NELL1: variants seen among roughly 807,000 people sequenced by gnomAD.
NELL1 encodes protein kinase C-binding protein NELL1.
A neutral mutation model predicts 107.4 loss-of-function variants in NELL1; 76 were observed. The observed-to-expected ratio is 0.71, with a 90% CI of 0.59 to 0.86. The LOEUF (loss-of-function observed/expected upper bound fraction) is 0.86, where lower values mean the gene tolerates loss of function less well. NELL1 is among the 40% of genes least tolerant of loss of function. NELL1 has a pLI of 0.00. For synonymous variants in NELL1, 353 were observed against 341.2 expected, an observed-to-expected ratio of 1.03 and a Z score of -0.38; for missense variants, 1,024 against 1,005.5, an observed-to-expected ratio of 1.02 and a Z score of -0.25.
intron 12 of NELL1, among the ~76,000 whole-genome samples, chr11:20,963,975 C>G (rs561836463): frequency 1.4e-4 from 21 of 152,160 alleles, no homozygotes; most frequent in African/African-American, 5.1e-4. Context: ...TAGAGATTGT[C>G]GTAGAAACTG....
At chr11:21,220,408 T>C (rs537083560) in intron 13 of NELL1, among the ~76,000 whole-genome samples, 78 of 152,310 alleles carry the variant, frequency 5.1e-4, no homozygotes, top group Middle Eastern at 3.4e-3. Context: ...TTCATTGATA[T>C]TGATATCAAC....
intron 13 of NELL1, among the ~76,000 whole-genome samples, chr11:21,166,750 A>G (rs2133806987): frequency 6.6e-6 from 1 of 152,112 alleles, no homozygotes; most frequent in South Asian, 2.1e-4. Flanking sequence ...AATGAAAGGA[A>G]AAAAGAGCAT....
At chr11:21,364,016 T>C (rs1261015375) in intron 14 of NELL1, among the ~76,000 whole-genome samples, 2 of 152,190 alleles carry the variant, frequency 1.3e-5, no homozygotes, top group East Asian at 3.9e-4. Flanking sequence ...TTGTCTCTGT[T>C]ATACCTACAT....
chr11:21,277,989 G>A (rs980327734), intron 14 of NELL1, among the ~76,000 whole-genome samples: 1 of 152,028 alleles, frequency 6.6e-6, no homozygotes, highest in Admixed American at 6.6e-5. Context: ...CATGGCACAT[G>A]TATGCATATG....
chr11:20,761,852 A>G (rs1270272413), intron 2 of NELL1, among the ~76,000 whole-genome samples: 2 of 152,218 alleles, frequency 1.3e-5, no homozygotes, highest in Non-Finnish European at 2.9e-5. Flanking sequence ...ATAAATGTTG[A>G]TGGTTTTGCA....
At position 21,059,698 on chromosome 11, in the gene NELL1, T is replaced by C. The variant is rs147872415; in HGVS notation, c.1301-53891T>C. On this transcript the variant is annotated intron_variant, in intron 12 of 19. Transcript: ENST00000357134. ...CAGTAGTCATCTCTTCTATGCCCTA[T>C]AGGACCCCAGGAATAACAGAGCATG... Among the ~76,000 whole-genome samples the C allele has an allele frequency of 8.4e-3, 1,276 of 152,254 alleles. 19 individuals carry two copies. The highest frequency in any genetic ancestry group is 0.029 in the African/African-American group (1,219 of 41,556).
At chr11:21,390,510 A>ACC (rs1851848145) in intron 15 of NELL1, among the ~76,000 whole-genome samples, 1 of 142,774 alleles carries the variant, frequency 7.0e-6, no homozygotes, top group African/African-American at 2.5e-5. Context: ...TGTGTGGATG[A>ACC]ACACACACAC....
intron 12 of NELL1, among the ~76,000 whole-genome samples, chr11:21,010,746 T>C (rs1177503218): frequency 6.6e-6 from 1 of 152,096 alleles, no homozygotes; most frequent in African/African-American, 2.4e-5. Context: ...ACTAGGAACA[T>C]TTTTTACTAG....
At chr11:20,989,004 T>C (rs1274899602) in intron 12 of NELL1, among the ~76,000 whole-genome samples, 1 of 152,180 alleles carries the variant, frequency 6.6e-6, no homozygotes, top group Non-Finnish European at 1.5e-5. Context: ...TGCAAGGTGC[T>C]TAACCTCTCT....
chr11:21,258,461 C>A (rs1858824958), intron 14 of NELL1, among the ~76,000 whole-genome samples: 1 of 151,812 alleles, frequency 6.6e-6, no homozygotes, highest in Non-Finnish European at 1.5e-5. Context: ...GTATTTATTA[C>A]ATAATATAAG....
chr11:21,546,230 A>T (rs1223855223), intron 16 of NELL1, among the ~76,000 whole-genome samples: 2 of 152,002 alleles, frequency 1.3e-5, no homozygotes, highest in African/African-American at 4.8e-5. Flanking sequence ...ATTCAGTCTC[A>T]GGGGAGATTC....
chr11:21,343,782 G>T (rs183207295), intron 14 of NELL1, among the ~76,000 whole-genome samples: 2 of 152,104 alleles, frequency 1.3e-5, no homozygotes, highest in African/African-American at 4.8e-5. Flanking sequence ...CCAGTGGGTT[G>T]TAGGTTGCCA....
At chr11:20,880,711 A>G (rs1283241160) in intron 4 of NELL1, among the ~76,000 whole-genome samples, 3 of 152,184 alleles carry the variant, frequency 2.0e-5, no homozygotes, top group Non-Finnish European at 1.5e-5. Flanking sequence ...GTGGCTTAAA[A>G]TAGCTGAATT....
intron 12 of NELL1, among the ~76,000 whole-genome samples, chr11:21,038,192 C>A (rs892777389): frequency 6.6e-6 from 1 of 152,094 alleles, no homozygotes; most frequent in Non-Finnish European, 1.5e-5. Flanking sequence ...ATATGAGCCA[C>A]GAGTCCATGT....
intron 13 of NELL1, among the ~76,000 whole-genome samples, chr11:21,167,368 T>C (rs925754389): frequency 6.6e-6 from 1 of 151,824 alleles, no homozygotes; most frequent in Non-Finnish European, 1.5e-5. Context: ...ACTGTTTTTT[T>C]TGGCAATAAC....
At chr11:21,254,639 G>T (rs185887530) in intron 14 of NELL1, among the ~76,000 whole-genome samples, 21 of 152,058 alleles carry the variant, frequency 1.4e-4, no homozygotes, top group African/African-American at 4.6e-4. Context: ...AAAATCTCTG[G>T]CCAGGCTTGT....
Position 20,977,598 on chromosome 11 carries a change from T to C in NELL1, c.1300+17038T>C, listed in dbSNP as rs189230240. 3.3e-5 allele frequency among the ~76,000 whole-genome samples: 5 copies of C among 152,302 alleles called. No homozygotes were observed. The East Asian group carries it at 9.6e-4, about 29-fold the overall frequency. On this transcript the variant is annotated intron_variant, in intron 12 of 19. Coordinates refer to ENST00000357134, the MANE Select transcript of NELL1 (RefSeq NM_006157.5). ...AATCTTAGTCCAGATTAGGACTTTT[T>C]TCATGCTGTCCTCTCTTAAAACATA...
chr11:20,845,094 T>A (rs1848681097), intron 3 of NELL1, among the ~76,000 whole-genome samples: 1 of 152,240 alleles, frequency 6.6e-6, no homozygotes, highest in African/African-American at 2.4e-5. Flanking sequence ...GCTTCAGCAG[T>A]TATCTGACAT....
chr11:21,005,798 C>T (rs1040977619), intron 12 of NELL1, among the ~76,000 whole-genome samples: 5 of 152,110 alleles, frequency 3.3e-5, no homozygotes, highest in African/African-American at 1.2e-4. Flanking sequence ...AAATACAAAC[C>T]AGAGTGGTGG....
Sources: gnomAD v4.1 joint callset for allele counts (sites outside exome capture counted in the v4.1 genomes callset) on GRCh38, gnomAD v4.1.1 for gene constraint, MANE v1.5 for transcripts, NCBI Gene and HGNC (gene_info 2026-07-23, HGNC 2026-07-21) for gene names.